The following IQSEC1 variants were observed in gnomAD, a reference collection of about 807,000 sequenced individuals.
The protein encoded by IQSEC1 is IQ motif and Sec7 domain ArfGEF 1, also known as IQ motif and SEC7 domain-containing protein 1.
IQSEC1 carries 31 observed loss-of-function variants against 91.0 expected under a neutral mutation model. That is an observed-to-expected ratio of 0.34 (90% confidence interval 0.26 to 0.46). IQSEC1 has a LOEUF of 0.46. Ranked by LOEUF, IQSEC1 falls within the 20% of genes least tolerant of loss-of-function variation. The pLI is 1.00. For missense variants in IQSEC1, 1,388 were observed against 1,575.6 expected, an observed-to-expected ratio of 0.88 and a Z score of 2.02; for synonymous variants, 699 against 662.6, an observed-to-expected ratio of 1.05 and a Z score of -0.84.
intron 1 of IQSEC1, among the ~76,000 whole-genome samples, chr3:13,063,317 A>G (rs1375882676): frequency 1.3e-5 from 2 of 152,266 alleles, no homozygotes; most frequent in Non-Finnish European, 2.9e-5. Context: ...AGTCATAAAA[A>G]GTACTTGCTT....
intron 1 of IQSEC1, among the ~76,000 whole-genome samples, chr3:13,253,270 G>C (rs747670503): frequency 1.1e-4 from 16 of 152,308 alleles, no homozygotes; most frequent in Non-Finnish European, 2.4e-4. Flanking sequence ...ACTTGCCATA[G>C]GGTACAGAGG....
At chr3:13,169,453 G>C (rs926530185) in intron 1 of IQSEC1, among the ~76,000 whole-genome samples, 3 of 152,200 alleles carry the variant, frequency 2.0e-5, no homozygotes, top group Non-Finnish European at 4.4e-5. Context: ...AGTAGAGTGG[G>C]GCACTGCTGT....
chr3:12,934,530 G>A (rs192050176), intron 3 of IQSEC1, among the ~76,000 whole-genome samples: 18 of 152,276 alleles, frequency 1.2e-4, no homozygotes, highest in Admixed American at 2.6e-4. Flanking sequence ...GAAAACTGTC[G>A]TCTGCCCCTG....
intron 2 of IQSEC1, among the ~76,000 whole-genome samples, chr3:12,938,476 C>T (rs1698435598): frequency 6.6e-6 from 1 of 152,124 alleles, no homozygotes; most frequent in Admixed American, 6.5e-5. Flanking sequence ...GCTGGGGGGG[C>T]TTGAGGGGAG....
At position 13,274,201 on chromosome 3, in the gene IQSEC1, C is replaced by A. The variant is rs986654784; in HGVS notation, c.272+8510G>T. ...TCTCATCCACAAACATGCCTGCCCC[C>A]GGAAGTGTCCCCAGAGGCTGTCCCC... On this transcript the variant is annotated intron_variant, in intron 1 of 15. Coordinates refer to the IQSEC1 transcript ENST00000648114. Among the ~76,000 whole-genome samples the A allele has an allele frequency of 5.3e-5, 8 of 152,196 alleles. No individual in the cohort carries two copies. In the East Asian group the frequency reaches 1.5e-3, roughly 29 times the overall value.
rs1432534217 is a variant in IQSEC1 at position 13,094,933 on chromosome 3, TGA to T, written c.303-47413_303-47412del. 2.6e-5 allele frequency among the ~76,000 whole-genome samples: 4 copies of T among 152,076 alleles called. No homozygotes were observed. In the East Asian group the frequency reaches 7.7e-4, roughly 29 times the overall value. On this transcript the variant is annotated intron_variant, in intron 2 of 15. Transcript: ENST00000648114. Reference sequence around the variant, plus strand: ...ACTGAACCAGCTGCAGGCCACACGCTGAGAGAGGAGCCCAGCAAGTGCTCCTA... The same window carrying T: ...ACTGAACCAGCTGCAGGCCACACGCTGAGAGGAGCCCAGCAAGTGCTCCTA...
Position 12,935,696 on chromosome 3 carries a change from T to G in IQSEC1, c.1320A>C (p.Ser440=), listed in dbSNP as rs565512035. ...ACTCAGACTTGCTCTGCCGGTTGGC[T>G]GAGCCATTGATGGCCAAGTGGCTGT... The part of the protein sequence containing the change: ...PLDSHLAING[S]ANRQSKSESD... Residue 440 remains serine (S), a synonymous_variant, in exon 3 of 14, where the codon TCA becomes TCC. Coordinates refer to ENST00000613206, the MANE Select transcript of IQSEC1 (RefSeq NM_001134382.3). The surrounding 1 kb of genome is among the most constrained non-coding windows in gnomAD (Gnocchi z 8.0). 2.4e-5 allele frequency: 38 copies of G among 1,613,620 alleles called. No homozygotes were observed. Among genetic ancestry groups the G allele is most frequent in the Non-Finnish European group, 2.9e-5 (34 of 1,180,002 alleles).
chr3:13,011,008 T>G (rs552461288), intron 1 of IQSEC1, among the ~76,000 whole-genome samples: 171 of 152,314 alleles, frequency 1.1e-3, no homozygotes, highest in Middle Eastern at 3.4e-3. Flanking sequence ...CCACTCTGAG[T>G]GTCAGTGGCA....
intron 2 of IQSEC1, among the ~76,000 whole-genome samples, chr3:13,115,832 T>G (rs1706325857): frequency 6.6e-6 from 1 of 152,038 alleles, no homozygotes; most frequent in Non-Finnish European, 1.5e-5. Flanking sequence ...AGAAAAACAC[T>G]CTCTCCTTTG....
At chr3:13,031,241 C>T (rs942259786) in intron 1 of IQSEC1, among the ~76,000 whole-genome samples, 1 of 152,238 alleles carries the variant, frequency 6.6e-6, no homozygotes, top group South Asian at 2.1e-4. Flanking sequence ...GGCCACACAG[C>T]ACATTCTCTC....
intron 1 of IQSEC1, among the ~76,000 whole-genome samples, chr3:12,946,582 G>A (rs532765291): frequency 6.6e-6 from 1 of 152,316 alleles, no homozygotes; most frequent in South Asian, 2.1e-4. Flanking sequence ...TAACCTAAAT[G>A]AGCATCGACA....
At chr3:13,175,343 A>G (rs915397772) in intron 1 of IQSEC1, among the ~76,000 whole-genome samples, 2 of 152,216 alleles carry the variant, frequency 1.3e-5, no homozygotes, top group Non-Finnish European at 2.9e-5. Context: ...ATGCCCAATT[A>G]GCTATGATGA....
chr3:12,978,420 CG>C (rs1701288807), intron 1 of IQSEC1, among the ~76,000 whole-genome samples: 1 of 152,092 alleles, frequency 6.6e-6, no homozygotes. Flanking sequence ...TGCACAGGGC[CG>C]GGCGCGGTGG....
intron 1 of IQSEC1, among the ~76,000 whole-genome samples, chr3:12,982,981 C>A (rs928102910): frequency 1.3e-4 from 20 of 152,218 alleles, no homozygotes; most frequent in Admixed American, 6.5e-5. Flanking sequence ...GAGGCCCTGG[C>A]CGTGGTAATC....
Position 12,922,023 on chromosome 3 carries a change from G to T in IQSEC1, c.1853+97C>A. ...TCAGGGACACCTGGCCCTGTCTAGG[G>T]ATGGTGGGGATGCAGTCTTTGGTCC... On this transcript the variant is annotated intron_variant, in intron 5 of 13. Coordinates refer to ENST00000613206, the MANE Select transcript of IQSEC1 (RefSeq NM_001134382.3). This position sits in a 1 kb window ranked among gnomAD's most constrained non-coding sequence, Gnocchi z 5.1. 1 of 1,413,094 alleles carries T rather than the reference G, an allele frequency of 7.1e-7. No homozygotes were observed. Among genetic ancestry groups the T allele is most frequent in the Non-Finnish European group, 9.4e-7 (1 of 1,059,698 alleles). The allele number at this position is 1,413,094 out of a possible 1,614,324, so 87.5% of individuals were successfully genotyped here. A position where few individuals can be genotyped will look rare whatever the true frequency, so the allele number is the denominator to read the frequency against.
At chr3:13,225,814 A>G (rs1457368861) in intron 1 of IQSEC1, among the ~76,000 whole-genome samples, 1 of 152,196 alleles carries the variant, frequency 6.6e-6, no homozygotes, top group Non-Finnish European at 1.5e-5. Context: ...AGGTTTGATG[A>G]TCTTGCACCT....
In IQSEC1 at chr3:13,004,300, A is replaced by C. The variant is rs138987321; in HGVS notation, c.24-62435T>G. 8.5e-5 allele frequency among the ~76,000 whole-genome samples: 13 copies of C among 152,338 alleles called. No homozygotes were observed. The East Asian group carries it at 2.5e-3, about 29-fold the overall frequency. On this transcript the variant is annotated intron_variant, in intron 1 of 13. Transcript: ENST00000613206. ...GCATTCATTCAGTCATTTACCCAAC[A>C]AATATTTCCTGGGTGCCATCATGTG...
rs576014811 is a variant in IQSEC1, at chr3:13,162,458, G to C, written c.302+1646C>G. 2.6e-5 allele frequency among the ~76,000 whole-genome samples: 4 copies of C among 152,222 alleles called. No individual in the cohort carries two copies. In the South Asian group the frequency reaches 8.3e-4, roughly 32 times the overall value. ...CACCCTCTCCCTAACCTGTTGTTTT[G>C]AATTAATTGTTTGAACAAGTATTAC... On this transcript the variant is annotated intron_variant, in intron 2 of 15. Transcript: ENST00000648114.
chr3:12,965,326 C>T (rs1700493244), intron 1 of IQSEC1, among the ~76,000 whole-genome samples: 2 of 152,196 alleles, frequency 1.3e-5, no homozygotes, highest in East Asian at 3.8e-4. Flanking sequence ...GGTTTCTGGA[C>T]CGTGCTGCAT....
Sources: allele counts gnomAD v4.1 joint callset (sites outside exome capture counted in the v4.1 genomes callset), GRCh38; gene constraint gnomAD v4.1.1; non-coding constraint Gnocchi (gnomAD v3.1); transcripts MANE v1.5; gene names NCBI Gene and HGNC (gene_info 2026-07-23, HGNC 2026-07-21).